TMIGD1: variants seen among roughly 807,000 people sequenced by gnomAD.
TMIGD1 encodes transmembrane and immunoglobulin domain containing 1, also known as transmembrane and immunoglobulin domain-containing protein 1.
In TMIGD1, 29 loss-of-function variants were observed where a neutral mutation model predicts 27.5. The observed-to-expected ratio is 1.05, with a 90% CI of 0.78 to 1.44. The LOEUF is 1.44. TMIGD1 is among the 40% of genes most tolerant of loss of function. The pLI is 0.00. For missense variants in TMIGD1, 334 were observed against 310.6 expected, an observed-to-expected ratio of 1.08 and a Z score of -0.57; for synonymous variants, 109 against 110.3, an observed-to-expected ratio of 0.99 and a Z score of 0.07.
At chr17:30,331,769 T>C (rs1909985547) in intron 2 of TMIGD1, among the ~76,000 whole-genome samples, 2 of 152,060 alleles carry the variant, frequency 1.3e-5, no homozygotes, top group South Asian at 4.1e-4. Flanking sequence ...TTTGTATTTT[T>C]AGTAGAGATG....
At chr17:30,327,710 C>T (rs1909834497) in intron 3 of TMIGD1, among the ~76,000 whole-genome samples, 1 of 151,372 alleles carries the variant, frequency 6.6e-6, no homozygotes, top group African/African-American at 2.4e-5. Context: ...CAGATGTGTG[C>T]CACCATGCCC....
At chr17:30,332,238 T>A in intron 1 of TMIGD1, 80 bp from the exon 2 acceptor site, 1 of 761,196 alleles carries the variant, frequency 1.3e-6, no homozygotes, top group East Asian at 2.7e-5. Context: ...TATTATGCAT[T>A]TAAAGTGAAG....
intron 4 of TMIGD1, among the ~76,000 whole-genome samples, chr17:30,323,610 G>A (rs981877002): frequency 6.6e-6 from 1 of 152,172 alleles, no homozygotes; most frequent in African/African-American, 2.4e-5. Context: ...CACATAAGCT[G>A]TACTTTTTTT....
chr17:30,319,980 T>C (rs1909563763), intron 4 of TMIGD1, among the ~76,000 whole-genome samples: 1 of 152,024 alleles, frequency 6.6e-6, no homozygotes, highest in South Asian at 2.1e-4. Context: ...GCAGCAACCA[T>C]GACAGCTTGG....
At chr17:30,327,936 T>C (rs1443291987) in intron 3 of TMIGD1, among the ~76,000 whole-genome samples, 2 of 152,068 alleles carry the variant, frequency 1.3e-5, no homozygotes, top group Non-Finnish European at 2.9e-5. Context: ...CCTAAGCCTA[T>C]ACAGTTCTAC....
At chr17:30,324,674 A>G in intron 4 of TMIGD1, 142 bp downstream of exon 4, 1 of 1,011,510 alleles carries the variant, frequency 9.9e-7, no homozygotes, top group Admixed American at 2.8e-5. Flanking sequence ...TAGTGGAAAA[A>G]TCCTTGGATG....
intron 2 of TMIGD1, among the ~76,000 whole-genome samples, chr17:30,330,888 C>T (rs190780050): frequency 6.6e-6 from 1 of 152,286 alleles, no homozygotes; most frequent in East Asian, 1.9e-4. Context: ...AACACATTAA[C>T]CTTCCTTTTA....
chr17:30,324,181 G>T (rs148840228), intron 4 of TMIGD1, among the ~76,000 whole-genome samples: 1 of 152,274 alleles, frequency 6.6e-6, no homozygotes, highest in Admixed American at 6.5e-5. Context: ...GTGTGAATGA[G>T]CATTTTTGGC....
chr17:30,317,330 T>C, intron 5 of TMIGD1, 97 bp from the exon 6 acceptor site: 1 of 1,298,526 alleles, frequency 7.7e-7, no homozygotes. Flanking sequence ...GTGTGTGTCC[T>C]GTGCACACCT....
In TMIGD1 at chr17:30,327,616, G is replaced by C. The variant is rs368721634; in HGVS notation, c.361+1635C>G. Reference sequence around the variant, plus strand: ...ACTCTGTTGCCCAGGTTGAAATGCAGTGGCGCAATCACAGCTCGCTGAAGC... The same window carrying C: ...ACTCTGTTGCCCAGGTTGAAATGCACTGGCGCAATCACAGCTCGCTGAAGC... On this transcript the variant is annotated intron_variant, in intron 3 of 6. Coordinates refer to ENST00000328886, the MANE Select transcript of TMIGD1 (RefSeq NM_206832.3). Among the ~76,000 whole-genome samples the C allele has an allele frequency of 1.2e-3, 175 of 151,896 alleles. 1 individual carries two copies. Among genetic ancestry groups the C allele is most frequent in the African/African-American group, 4.2e-3 (172 of 41,390 alleles).
intron 4 of TMIGD1, among the ~76,000 whole-genome samples, chr17:30,323,100 G>A (rs892430042): frequency 2.0e-5 from 3 of 152,108 alleles, no homozygotes; most frequent in East Asian, 3.9e-4. Flanking sequence ...AGCCTGGGGG[G>A]ATGAGGCTGC....
rs1909438834 is a variant in TMIGD1, at chr17:30,317,120, G to C, written c.785+73C>G. 2.0e-6 allele frequency: 3 copies of C among 1,511,376 alleles called. No homozygotes were observed. The South Asian group carries it at 3.4e-5, about 17-fold the overall frequency. 93.6% of individuals were successfully genotyped at this position (1,511,376 alleles called of 1,614,324 possible). The stretch of plus-strand genomic sequence containing the variant: ...CCAGCACCTCCCATCTCTGGAGTTT[G>C]TCTAGAGTGATGCATATCACTGCTA... On this transcript the variant is annotated intron_variant, in intron 6 of 6. Coordinates refer to ENST00000328886, the MANE Select transcript of TMIGD1 (RefSeq NM_206832.3).
At chr17:30,320,875 T>C (rs1909597267) in intron 4 of TMIGD1, among the ~76,000 whole-genome samples, 1 of 152,114 alleles carries the variant, frequency 6.6e-6, no homozygotes, top group Admixed American at 6.5e-5. Context: ...TTTTCTTTTT[T>C]AAGACAGAAT....
At chr17:30,317,706 G>C (rs568688728) in intron 5 of TMIGD1, among the ~76,000 whole-genome samples, 136 of 151,820 alleles carry the variant, frequency 9.0e-4, no homozygotes, top group African/African-American at 3.1e-3. Flanking sequence ...CTTGCAGTGA[G>C]CTGAGATCAC....
At chr17:30,319,550 C>T (rs1170550043) in intron 4 of TMIGD1, among the ~76,000 whole-genome samples, 1 of 151,020 alleles carries the variant, frequency 6.6e-6, no homozygotes, top group Non-Finnish European at 1.5e-5. Flanking sequence ...AACAAGTAGA[C>T]CATTTTGTGC....
In TMIGD1 at chr17:30,324,975, GACT is replaced by G. The variant is rs1909728253; in HGVS notation, c.478_480del (p.Ser160del). On this transcript the variant is annotated inframe_deletion, in exon 4 of 7. Transcript: ENST00000328886. ...TGACGGCTTTTCTCTAAATCGAGGA[GACT>G]ACTGTTTTTGTACCACATCATTTGA... 1 of 1,614,126 alleles carries G rather than the reference GACT, an allele frequency of 6.2e-7. No homozygotes were observed. The highest frequency in any genetic ancestry group is 1.3e-5 in the African/African-American group (1 of 75,032).
chr17:30,317,611 A>AG (rs1909458276), intron 5 of TMIGD1, among the ~76,000 whole-genome samples: 1 of 151,570 alleles, frequency 6.6e-6, no homozygotes. Flanking sequence ...ATACAAAAAA[A>AG]CAGCCAGGCA....
chr17:30,322,999 C>A (rs3110453), intron 4 of TMIGD1, among the ~76,000 whole-genome samples: 89,671 of 151,888 alleles, frequency 0.59, 29,461 homozygotes, highest in African/African-American at 0.89. Context: ...GCAAGACCTC[C>A]TCTCTACAAA....
rs114245323 is a variant in TMIGD1 at position 30,325,217 on chromosome 17, A to G, written c.362-123T>C. On this transcript the variant is annotated intron_variant, in intron 3 of 6. Coordinates refer to ENST00000328886, the MANE Select transcript of TMIGD1 (RefSeq NM_206832.3). ...TTCATTTGACAAAAATTTATTAAAT[A>G]CGTACGGTGTGACAAGCACTGGGGT... The G allele has an allele frequency of 4.2e-4, 434 of 1,032,192 alleles. 1 individual carries two copies. In the African/African-American group the frequency reaches 6.5e-3, roughly 15 times the overall value. The allele number at this position is 1,032,192 out of a possible 1,614,324, so 63.9% of individuals were successfully genotyped here.
Sources: gnomAD v4.1 joint callset for allele counts (sites outside exome capture counted in the v4.1 genomes callset) on GRCh38, gnomAD v4.1.1 for gene constraint, MANE v1.5 for transcripts, NCBI Gene and HGNC (gene_info 2026-07-23, HGNC 2026-07-21) for gene names.